Variants in DOCK11 observed in about 807,000 individuals in gnomAD.
The protein encoded by DOCK11 is dedicator of cytokinesis 11.
In DOCK11, 70 loss-of-function variants were observed where a neutral mutation model predicts 169.1. The observed-to-expected ratio is 0.41, with a 90% confidence interval of 0.34 to 0.51. The LOEUF is 0.51. Among genes scored for constraint, DOCK11 ranks in the 20% least tolerant of loss-of-function variants. The pLI is 0.10. For missense variants in DOCK11, 1,166 were observed against 1,538.8 expected (o/e 0.76, Z 4.05); for synonymous variants, 529 against 541.3 (o/e 0.98, Z 0.32).
chrX:118,591,074 G>C (rs1025413269), intron 19 of DOCK11, among the ~76,000 whole-genome samples: 3 of 112,172 alleles, frequency 2.7e-5, no homozygotes, highest in African/African-American at 9.7e-5. Flanking sequence ...GGGCATCCCA[G>C]CCCAGACGTT....
At position 118,566,104 on chromosome X, in the gene DOCK11, A is replaced by G. The variant is rs1461120028; in HGVS notation, c.793A>G (p.Ile265Val). Residue 265 changes from isoleucine (I) to valine (V), a missense_variant, in exon 8 of 53, where the codon ATA becomes GTA. Physicochemically the swap from Ile to Val is conservative, Grantham distance 29 (BLOSUM62 3). Transcript: ENST00000276202. ...TGAGCAGGAAATGGAGGAATGGTTGATAACTTTGAAAAAGATTATTCAGAT... is the reference window on the plus strand; with the variant it reads ...TGAGCAGGAAATGGAGGAATGGTTGGTAACTTTGAAAAAGATTATTCAGAT... ...ETEQEMEEWLITLKKIIQINT... is the reference protein window; with the variant it reads ...ETEQEMEEWLVTLKKIIQINT... 2 of 1,210,824 alleles carry G rather than the reference A, an allele frequency of 1.7e-6. No homozygotes were observed. The highest frequency in any genetic ancestry group is 2.2e-6 in the Non-Finnish European group (2 of 894,722).
rs149526620 is a variant in DOCK11 at position 118,564,313 on chromosome X, G to C, written c.694-1692G>C. 3.3e-3 allele frequency among the ~76,000 whole-genome samples: 372 copies of C among 112,732 alleles called. 1 individual carries two copies. The highest frequency in any genetic ancestry group is 0.011 in the African/African-American group (345 of 31,105). On this transcript the variant is annotated intron_variant, in intron 7 of 52. Transcript: ENST00000276202. ...TACAGCAGTTTAATTTCATCCTTTC[G>C]TAGACTTCAAAGATTAGAAGGAGGA... is the stretch of plus-strand genomic sequence containing the variant.
chrX:118,595,124 G>A (rs1023499286), intron 20 of DOCK11, among the ~76,000 whole-genome samples: 5 of 111,086 alleles, frequency 4.5e-5, no homozygotes, highest in African/African-American at 9.8e-5. Flanking sequence ...AACCAACCAG[G>A]CAGCAGTATA....
In DOCK11 at chrX:118,662,727, C is replaced by A; in HGVS notation, c.5011C>A (p.Pro1671Thr). The A allele has an allele frequency of 5.0e-6, 6 of 1,201,597 alleles. 1 individual carries two copies. Among genetic ancestry groups the A allele is most frequent in the Non-Finnish European group, 3.4e-6 (3 of 887,201 alleles). ...ATGTTCAGCGTTCAAGAAAATTACT[C>A]CCAATATAGATGAAGAAGGAGCAAT... The part of the protein sequence containing the change: ...NGCSAFKKIT[P>T]NIDEEGAMKE... The change falls in exon 45 of 53, where the codon CCC (proline) becomes ACC (threonine). Residue 1671 changes from proline to threonine, a missense_variant. Transcript: ENST00000276202.
intron 6 of DOCK11, among the ~76,000 whole-genome samples, chrX:118,556,759 GAA>G (rs58350422): frequency 5.1e-4 from 41 of 80,963 alleles, no homozygotes; most frequent in Admixed American, 1.4e-3. Flanking sequence ...TCTGTCTCCG[GAA>G]AAAAAAAAAA....
chrX:118,549,664 C>T (rs948913880), intron 6 of DOCK11, among the ~76,000 whole-genome samples: 3 of 111,466 alleles, frequency 2.7e-5, no homozygotes, highest in African/African-American at 9.8e-5. Context: ...AGCAGTCCTC[C>T]CACTTCAGCC....
chrX:118,526,759 G>A (rs1467979835), intron 1 of DOCK11, among the ~76,000 whole-genome samples: 1 of 112,421 alleles, frequency 8.9e-6, no homozygotes, highest in Non-Finnish European at 1.9e-5. Context: ...TTGAATTTTA[G>A]AAAGGGACTT....
chrX:118,658,924 G>T (rs143813232), intron 44 of DOCK11, among the ~76,000 whole-genome samples: 2 of 111,380 alleles, frequency 1.8e-5, no homozygotes, highest in South Asian at 3.8e-4. Context: ...GGCCTGCAAG[G>T]ATTCACCCAT....
chrX:118,668,613 A>G (rs920760618), intron 45 of DOCK11, among the ~76,000 whole-genome samples: 10 of 111,935 alleles, frequency 8.9e-5, no homozygotes, highest in African/African-American at 2.9e-4. Flanking sequence ...GGAAAAGCCA[A>G]TGTAAGTAAA....
chrX:118,609,473 C>T (rs2014623579), intron 27 of DOCK11, 124 bp downstream of exon 27: 1 of 479,233 alleles, frequency 2.1e-6, no homozygotes, highest in Non-Finnish European at 3.3e-6. Flanking sequence ...ATGCAAATCC[C>T]ATTTTATATT....
At chrX:118,606,156 G>A (rs1603111347) in intron 24 of DOCK11, among the ~76,000 whole-genome samples, 2 of 94,331 alleles carry the variant, frequency 2.1e-5, no homozygotes, top group Admixed American at 2.7e-4. Flanking sequence ...GTCTCACTTC[G>A]CCTCCCGGGT....
chrX:118,586,335 C>T (rs2013813487), intron 16 of DOCK11, among the ~76,000 whole-genome samples: 1 of 110,914 alleles, frequency 9.0e-6, no homozygotes, highest in Non-Finnish European at 1.9e-5. Context: ...GCTGGGGAGG[C>T]CTCAGGAAAC....
chrX:118,618,860 A>C, intron 31 of DOCK11, 132 bp downstream of exon 31: 1 of 546,204 alleles, frequency 1.8e-6, no homozygotes, highest in South Asian at 5.2e-5. Context: ...TTCAAATCAT[A>C]AGTTGTTTTT....
intron 28 of DOCK11, among the ~76,000 whole-genome samples, chrX:118,612,328 G>A (rs1382675911): frequency 8.9e-6 from 1 of 111,737 alleles, no homozygotes. Flanking sequence ...AGCCTTTTTT[G>A]TGTATTAAAA....
At chrX:118,538,842 T>C (rs1157620280) in intron 1 of DOCK11, 1 of 154,225 alleles carries the variant, frequency 6.5e-6, no homozygotes, top group Non-Finnish European at 1.1e-5. Flanking sequence ...ATAAGTCTAA[T>C]AATAGAATGA....
intron 47 of DOCK11, 121 bp from the exon 48 acceptor site, chrX:118,676,470 T>C: frequency 2.6e-6 from 1 of 391,921 alleles, no homozygotes; most frequent in Non-Finnish European, 4.2e-6. Context: ...CATGGGACTT[T>C]TAGTAATATT....
chrX:118,568,370 T>TTATATATATATA (rs397839351), intron 10 of DOCK11, among the ~76,000 whole-genome samples: 10 of 36,739 alleles, frequency 2.7e-4, no homozygotes, highest in Non-Finnish European at 3.5e-4. Flanking sequence ...TGGGGCTGAA[T>TTATATATATATA]TATATATATA....
intron 35 of DOCK11, among the ~76,000 whole-genome samples, chrX:118,634,680 T>C (rs1210289961): frequency 8.9e-6 from 1 of 112,624 alleles, no homozygotes; most frequent in Non-Finnish European, 1.9e-5. Flanking sequence ...AGACACCCAG[T>C]GGCAGATAGG....
chrX:118,550,459 C>T (rs1379201038), intron 6 of DOCK11, among the ~76,000 whole-genome samples: 1 of 111,277 alleles, frequency 9.0e-6, no homozygotes, highest in Non-Finnish European at 1.9e-5. Flanking sequence ...AGTGTTTTAA[C>T]TGTTATTTAG....
Sources: gnomAD v4.1 joint callset for allele counts (sites outside exome capture counted in the v4.1 genomes callset) on GRCh38, gnomAD v4.1.1 for gene constraint, MANE v1.5 for transcripts, NCBI Gene and HGNC (gene_info 2026-07-23, HGNC 2026-07-21) for gene names.